Variants in COPS7B observed in about 807,000 individuals in gnomAD.
COPS7B encodes the protein COP9 signalosome subunit 7B, also known as COP9 signalosome complex subunit 7b.
COPS7B carries 9 observed loss-of-function variants against 33.4 expected under a neutral mutation model. That is an observed-to-expected ratio of 0.27 (90% confidence interval 0.16 to 0.47). The LOEUF (loss-of-function observed/expected upper bound fraction) is 0.47. COPS7B is among the 20% of genes least tolerant of loss of function. COPS7B has a pLI of 0.99. For synonymous variants in COPS7B, 119 were observed against 126.3 expected, an observed-to-expected ratio of 0.94 and a Z score of 0.39; for missense variants, 242 against 318.2, an observed-to-expected ratio of 0.76 and a Z score of 1.82.
In COPS7B at chr2:231,791,745, G is replaced by A. The variant is rs1252360023; in HGVS notation, c.175G>A (p.Ala59Thr). Residue 59 changes from alanine to threonine, a missense_variant, in exon 3 of 7, where the codon GCT becomes ACT. By Grantham distance (58) the Ala-to-Thr change is moderately conservative. Transcript: ENST00000350033. ...TTTTCCTCTTCAGCTTGCGGAAGGAGCTAATGCTGCTTATTTGCAGTTGTT... is the reference window on the plus strand; with the variant it reads ...TTTTCCTCTTCAGCTTGCGGAAGGAACTAATGCTGCTTATTTGCAGTTGTT... ...LANVQELAEGANAAYLQLLNL... is the reference protein window; with the variant it reads ...LANVQELAEGTNAAYLQLLNL... 2 of 1,614,152 alleles carry A rather than the reference G, an allele frequency of 1.2e-6. No homozygotes were observed. Among genetic ancestry groups the A allele is most frequent in the Admixed American group, 3.3e-5 (2 of 60,014 alleles).
At chr2:231,799,770 G>A (rs1410743255) in intron 6 of COPS7B, among the ~76,000 whole-genome samples, 1 of 152,158 alleles carries the variant, frequency 6.6e-6, no homozygotes, top group Non-Finnish European at 1.5e-5. Flanking sequence ...TTGAAAATCA[G>A]GTGTCTAAGA....
At chr2:231,791,070 C>G (rs1250432470) in intron 2 of COPS7B, 2 of 154,662 alleles carry the variant, frequency 1.3e-5, no homozygotes, top group African/African-American at 4.8e-5. Flanking sequence ...ACAACAACAA[C>G]AACAACCAGT....
upstream of COPS7B, chr2:231,781,916 T>G: frequency 6.5e-7 from 1 of 1,542,594 alleles, no homozygotes; most frequent in Non-Finnish European, 8.8e-7. Context: ...AAAACACTGA[T>G]TAAACCGTGA....
rs570591098 is a variant in COPS7B, at chr2:231,795,975, A to G, written c.328-131A>G. The G allele has an allele frequency of 7.9e-5, 53 of 674,014 alleles. No individual in the cohort carries two copies. The South Asian group carries it at 9.4e-4, about 12-fold the overall frequency. The allele number at this position is 674,014 out of a possible 1,614,324, so 41.8% of individuals were successfully genotyped here. A position where few individuals can be genotyped will look rare whatever the true frequency, so the allele number is the denominator to read the frequency against. The stretch of plus-strand genomic sequence containing the variant: ...TCATTTATCCACCTCTTGTTGCCCT[A>G]GCTATTAATAATTACCACTAGCCTG... On this transcript the variant is annotated intron_variant, in intron 4 of 6. Coordinates refer to ENST00000350033, the MANE Select transcript of COPS7B (RefSeq NM_022730.4).
Position 231,807,582 on chromosome 2 carries a change from T to C in COPS7B, c.732T>C (p.Ala244=), listed in dbSNP as rs763809761. The change falls in exon 7 of 7, where the codon GCT becomes GCC. Residue 244 remains alanine (A), a synonymous_variant. Transcript: ENST00000350033. ...QLAERECPPH[A]EQRQPTKKMS... is the part of the protein sequence containing the mutation. ...CTGAACGGGAGTGTCCCCCTCACGC[T>C]GAGCAGAGGCAGCCCACCAAGAAGA... The C allele has an allele frequency of 3.1e-6, 5 of 1,603,652 alleles. No individual in the cohort carries two copies. Among genetic ancestry groups the C allele is most frequent in the Non-Finnish European group, 4.3e-6 (5 of 1,175,240 alleles).
At chr2:231,792,279 G>A (rs200499153) in intron 3 of COPS7B, 3 of 329,762 alleles carry the variant, frequency 9.1e-6, no homozygotes, top group Non-Finnish European at 1.8e-5. Flanking sequence ...ATCACTTGAG[G>A]TGAGGAGTTT....
intron 6 of COPS7B, among the ~76,000 whole-genome samples, chr2:231,800,308 C>T (rs963803931): frequency 6.6e-6 from 1 of 152,200 alleles, no homozygotes; most frequent in African/African-American, 2.4e-5. Context: ...AAGCTTGCTG[C>T]TTTTCTAATA....
At chr2:231,799,125 C>T (rs73994895) in intron 6 of COPS7B, among the ~76,000 whole-genome samples, 161 bp downstream of exon 6, 4,484 of 152,234 alleles carry the variant, frequency 0.029, 225 homozygotes, top group African/African-American at 0.1. Flanking sequence ...GAGTGTGACA[C>T]GGCTCCTGCT....
chr2:231,790,045 G>A (rs1299222847), intron 2 of COPS7B: 3 of 152,182 alleles, frequency 2.0e-5, no homozygotes. Flanking sequence ...AGCTGAATAC[G>A]TAGCCTGACA....
At chr2:231,799,800 A>G (rs1471305543) in intron 6 of COPS7B, among the ~76,000 whole-genome samples, 3 of 152,224 alleles carry the variant, frequency 2.0e-5, no homozygotes, top group African/African-American at 4.8e-5. Flanking sequence ...TGGGACCCGT[A>G]ATTCCAGCTA....
chr2:231,801,337 G>C, intron 6 of COPS7B: 1 of 1,478,306 alleles, frequency 6.8e-7, no homozygotes. Flanking sequence ...GCATACCTGG[G>C]GGACCATTAT....
Position 231,786,512 on chromosome 2 carries a change from AAG to A in COPS7B, c.-40_-39del. The A allele has an allele frequency of 8.1e-6, 8 of 985,866 alleles. No individual in the cohort carries two copies. Among genetic ancestry groups the A allele is most frequent in the Non-Finnish European group, 9.6e-6 (8 of 830,024 alleles). The allele number at this position is 985,866 out of a possible 1,614,324, so 61.1% of individuals were successfully genotyped here. ...GCGCCGGGAGGCCGAGCCAGCGACT[AAG>A]AGGACCGAGAGGTGGCGTGGACAGG... On this transcript the variant is annotated 5_prime_UTR_variant, in exon 1 of 7. Coordinates refer to ENST00000350033, the MANE Select transcript of COPS7B (RefSeq NM_022730.4).
upstream of COPS7B, chr2:231,786,251 C>T (rs114032867): frequency 0.014 from 2,298 of 169,032 alleles, 43 homozygotes; most frequent in African/African-American, 0.049. Flanking sequence ...CTCCTTGGGC[C>T]CCTAGCCACC....
intron 4 of COPS7B, among the ~76,000 whole-genome samples, chr2:231,795,486 C>T (rs1333770998): frequency 6.6e-6 from 1 of 152,156 alleles, no homozygotes; most frequent in African/African-American, 2.4e-5. Flanking sequence ...GAGGACCTGA[C>T]CTTTTTTCTT....
Position 231,808,798 on chromosome 2 carries a change from G to GTGTGTGTGTGT in COPS7B, c.*1153_*1154insTGTGTGTGTGT, listed in dbSNP as rs1553564812. 4.0e-5 allele frequency: 3 copies of GTGTGTGTGTGT among 75,804 alleles called. No individual in the cohort carries two copies. The highest frequency in any genetic ancestry group is 4.6e-5 in the Non-Finnish European group (2 of 43,020). The allele number at this position is 75,804 out of a possible 1,614,324, so 4.7% of individuals were successfully genotyped here. On this transcript the variant is annotated 3_prime_UTR_variant, in exon 7 of 7. Coordinates refer to ENST00000350033, the MANE Select transcript of COPS7B (RefSeq NM_022730.4). ...TGGTTGGAGGGTGGGGGTGGGGTGGGGTGTGTGTGTGTGTGTGTGTGTGTG... is the reference window on the plus strand; with the variant it reads ...TGGTTGGAGGGTGGGGGTGGGGTGGGTGTGTGTGTGTGTGTGTGTGTGTGTGTGTGTGTGTG...
At chr2:231,798,444 AT>A (rs2049642940) in intron 5 of COPS7B, among the ~76,000 whole-genome samples, 1 of 151,446 alleles carries the variant, frequency 6.6e-6, no homozygotes, top group Non-Finnish European at 1.5e-5. Flanking sequence ...TTTAGTAGAG[AT>A]GGGGTTTCAC....
In COPS7B at chr2:231,807,708, C is replaced by T. The variant is rs1363502919; in HGVS notation, c.*63C>T. On this transcript the variant is annotated 3_prime_UTR_variant, in exon 7 of 7. Coordinates refer to ENST00000350033, the MANE Select transcript of COPS7B (RefSeq NM_022730.4). ...CAGGTGGGGAGGGGACACCAAGGGC[C>T]CATTTCCTCCCCTCTCTACCTGCAG... 34 of 1,429,902 alleles carry T rather than the reference C, an allele frequency of 2.4e-5. No homozygotes were observed. The highest frequency in any genetic ancestry group is 3.2e-5 in the Non-Finnish European group (34 of 1,067,350). 88.6% of individuals were successfully genotyped at this position (1,429,902 alleles called of 1,614,324 possible). A position where few individuals can be genotyped will look rare whatever the true frequency, so the allele number is the denominator to read the frequency against.
intron 3 of COPS7B, among the ~76,000 whole-genome samples, chr2:231,792,925 G>T (rs528085309): frequency 6.6e-6 from 1 of 152,246 alleles, no homozygotes; most frequent in East Asian, 1.9e-4. Context: ...GCTGCTGTCA[G>T]ACTGGACAGT....
intron 2 of COPS7B, chr2:231,789,657 T>G (rs114489130): frequency 1.3e-5 from 2 of 152,476 alleles, no homozygotes; most frequent in Non-Finnish European, 2.9e-5. Flanking sequence ...GATTTGCATA[T>G]AGGAGGTGGT....
Sources: allele counts gnomAD v4.1 joint callset (sites outside exome capture counted in the v4.1 genomes callset), GRCh38; gene constraint gnomAD v4.1.1; transcripts MANE v1.5; gene names NCBI Gene and HGNC (gene_info 2026-07-23, HGNC 2026-07-21).